The following IL4 variants were observed in gnomAD, a reference collection of about 807,000 sequenced individuals.
IL4 encodes the protein interleukin-4.
In IL4, 10 loss-of-function variants were observed where a neutral mutation model predicts 17.4. The ratio of observed to expected loss-of-function variants is 0.57; its 90% CI spans 0.35 to 0.97. The LOEUF (loss-of-function observed/expected upper bound fraction) is 0.97. Ranked by LOEUF, IL4 falls within the 50% of genes least tolerant of loss-of-function variation. The probability of loss-of-function intolerance (pLI) is 0.01; values close to 1 mark genes in which losing one functional copy is unlikely to be tolerated. For synonymous variants in IL4, 87 were observed against 79.0 expected, an observed-to-expected ratio of 1.10 and a Z score of -0.54; for missense variants, 174 against 187.7, an observed-to-expected ratio of 0.93 and a Z score of 0.43.
intron 2 of IL4, among the ~76,000 whole-genome samples, chr5:132,676,372 TAAG>T (rs1043935618): frequency 1.2e-4 from 19 of 152,304 alleles, no homozygotes; most frequent in Middle Eastern, 3.4e-3. Context: ...GCGATGATTC[TAAG>T]AAGGAGGGGA....
Position 132,679,886 on chromosome 5 carries a change from G to A in IL4, c.356G>A (p.Gly119Asp). Residue 119 changes from glycine to aspartate, a missense_variant, in exon 3 of 4, where the codon GGC (glycine) becomes GAC (aspartate). Coordinates refer to ENST00000231449, the MANE Select transcript of IL4 (RefSeq NM_000589.4). ...GACAGGAACCTCTGGGGCCTGGCGG[G>A]CTTGGTAAGCTGCACTGTATTCCTG... ...RLDRNLWGLA[G>D]LNSCPVKEAN... The A allele has an allele frequency of 1.9e-6, 3 of 1,611,244 alleles. No individual in the cohort carries two copies. The highest frequency in any genetic ancestry group is 2.5e-6 in the Non-Finnish European group (3 of 1,178,898).
intron 2 of IL4, among the ~76,000 whole-genome samples, 169 bp from the exon 3 acceptor site, chr5:132,679,545 T>C (rs1369185998): frequency 6.6e-6 from 1 of 152,198 alleles, no homozygotes; most frequent in Non-Finnish European, 1.5e-5. Flanking sequence ...CAGAGGTTTA[T>C]GTCTGTGGCA....
At chr5:132,679,454 C>T (rs894192066) in intron 2 of IL4, among the ~76,000 whole-genome samples, 2 of 152,156 alleles carry the variant, frequency 1.3e-5, no homozygotes, top group African/African-American at 2.4e-5. Flanking sequence ...GGTACCCTTT[C>T]GGCAAAATCC....
chr5:132,675,705 C>T (rs530775688), intron 2 of IL4, among the ~76,000 whole-genome samples: 79 of 152,076 alleles, frequency 5.2e-4, no homozygotes, highest in African/African-American at 1.4e-3. Flanking sequence ...TGCACCACCA[C>T]GCCTGGCTAA....
intron 2 of IL4, among the ~76,000 whole-genome samples, chr5:132,674,759 C>G (rs368891508): frequency 6.6e-6 from 1 of 152,160 alleles, no homozygotes; most frequent in Non-Finnish European, 1.5e-5. Flanking sequence ...AAAGAAAAGC[C>G]CTCTTGGGTT....
At position 132,680,968 on chromosome 5, in the gene IL4, G is replaced by A. The variant is rs969280920; in HGVS notation, c.360+1078G>A. On this transcript the variant is annotated intron_variant, in intron 3 of 3. Transcript: ENST00000231449. This position sits in a 1 kb window ranked among gnomAD's most constrained non-coding sequence, Gnocchi z 4.3. ...GTTTACAGAGAGATGAAAGACTGGC[G>A]GCAAGGCAGGGCTGGAGGTTCAGCA... Among the ~76,000 whole-genome samples the A allele has an allele frequency of 6.6e-6, 1 of 152,172 alleles. No individual in the cohort carries two copies. Among genetic ancestry groups the A allele is most frequent in the Admixed American group, 6.5e-5 (1 of 15,286 alleles).
At chr5:132,675,929 A>ATGTATGTG (rs1752375198) in intron 2 of IL4, among the ~76,000 whole-genome samples, 4 of 140,942 alleles carry the variant, frequency 2.8e-5, no homozygotes, top group Non-Finnish European at 6.0e-5. Flanking sequence ...GTGTATGTAT[A>ATGTATGTG]TGTGTGTGTG....
intron 2 of IL4, among the ~76,000 whole-genome samples, chr5:132,675,680 C>T (rs1288042201): frequency 6.6e-6 from 1 of 151,940 alleles, no homozygotes; most frequent in Non-Finnish European, 1.5e-5. Context: ...TCCCAAGTAG[C>T]CGGGACGACA....
intron 2 of IL4, chr5:132,677,838 G>A (rs1752409748): frequency 1.3e-5 from 2 of 152,210 alleles, no homozygotes; most frequent in African/African-American, 4.8e-5. Context: ...CCCCCCATCA[G>A]CCCGTGTCCC....
At position 132,674,460 on chromosome 5, in the gene IL4, C is replaced by T. The variant is rs1752341302; in HGVS notation, c.137C>T (p.Thr46Ile). 6.2e-7 allele frequency: 1 copy of T among 1,613,970 alleles called. No individual in the cohort carries two copies. Among genetic ancestry groups the T allele is most frequent in the African/African-American group, 1.3e-5 (1 of 74,936 alleles). The part of the protein sequence containing the change: ...KTLNSLTEQK[T>I]LCTELTVTDI... ...TCTCTCATTTCTGCCTGGACCAAGA[C>T]TCTGTGCACCGAGTTGACCGTAACA... is the stretch of plus-strand genomic sequence containing the variant. The change falls in exon 2 of 4, where the codon ACT becomes ATT. Residue 46 changes from threonine to isoleucine, a missense_variant and splice_region_variant. Thr to Ile is a moderately conservative substitution (Grantham distance 89, BLOSUM62 -1). Transcript: ENST00000231449.
chr5:132,680,782 C>T lies in IL4; in HGVS notation c.360+892C>T, dbSNP rs1752472968. Among the ~76,000 whole-genome samples, 1 of 151,956 alleles carries T rather than the reference C, an allele frequency of 6.6e-6. No homozygotes were observed. The highest frequency in any genetic ancestry group is 1.5e-5 in the Non-Finnish European group (1 of 68,020). On this transcript the variant is annotated intron_variant, in intron 3 of 3. Coordinates refer to ENST00000231449, the MANE Select transcript of IL4 (RefSeq NM_000589.4). The surrounding 1 kb of genome is among the most constrained non-coding windows in gnomAD (Gnocchi z 4.3). ...TAAACCAGGCTAGAGATGATGGTGG[C>T]GTGGACAGAATGGGAGCAGTTGAGG...
chr5:132,676,213 C>T (rs1347038697), intron 2 of IL4, among the ~76,000 whole-genome samples: 1 of 152,126 alleles, frequency 6.6e-6, no homozygotes, highest in African/African-American at 2.4e-5. Context: ...ATCTTCACAC[C>T]TCTCTGCACC....
At chr5:132,675,600 G>A (rs1752361317) in intron 2 of IL4, among the ~76,000 whole-genome samples, 1 of 151,154 alleles carries the variant, frequency 6.6e-6, no homozygotes, top group African/African-American at 2.4e-5. Context: ...CCAGGCTGGA[G>A]TGCAGTGGTG....
chr5:132,674,196 A>G lies in IL4; in HGVS notation c.135+11A>G, dbSNP rs1225588754. ...CTCACAGAGCAGAAGGTGAGTACCTATCTGGCACCATCTCTCCAGATGTTC... is the reference window on the plus strand; with the variant it reads ...CTCACAGAGCAGAAGGTGAGTACCTGTCTGGCACCATCTCTCCAGATGTTC... On this transcript the variant is annotated intron_variant, in intron 1 of 3. Transcript: ENST00000231449. 1 of 1,612,630 alleles carries G rather than the reference A, an allele frequency of 6.2e-7. No homozygotes were observed. Among genetic ancestry groups the G allele is most frequent in the Non-Finnish European group, 8.5e-7 (1 of 1,178,688 alleles).
chr5:132,681,598 G>A (rs1177357305), intron 3 of IL4, among the ~76,000 whole-genome samples: 2 of 152,244 alleles, frequency 1.3e-5, no homozygotes, highest in Admixed American at 6.5e-5. Context: ...GCTCTTTTAA[G>A]GTTGGGGGTA....
At chr5:132,679,968 G>T in intron 3 of IL4, 78 bp downstream of exon 3, 1 of 1,219,836 alleles carries the variant, frequency 8.2e-7, no homozygotes, top group Non-Finnish European at 1.1e-6. Flanking sequence ...ACACTCCTTA[G>T]GAGCTGCAGC....
chr5:132,679,179 G>A (rs767411078), intron 2 of IL4, among the ~76,000 whole-genome samples: 7 of 152,348 alleles, frequency 4.6e-5, no homozygotes, highest in Admixed American at 2.0e-4. Context: ...AGAGCCACAC[G>A]GAGAGTGCTG....
chr5:132,678,683 C>T (rs563470373), intron 2 of IL4, among the ~76,000 whole-genome samples: 17 of 152,152 alleles, frequency 1.1e-4, no homozygotes, highest in Non-Finnish European at 2.5e-4. Context: ...ATGGACCACA[C>T]TTTGAGTATC....
At chr5:132,676,374 AG>A (rs538715581) in intron 2 of IL4, among the ~76,000 whole-genome samples, 102 of 152,296 alleles carry the variant, frequency 6.7e-4, no homozygotes, top group African/African-American at 2.4e-3. Context: ...GATGATTCTA[AG>A]AAGGAGGGGA....
Sources: gnomAD v4.1 joint callset for allele counts (sites outside exome capture counted in the v4.1 genomes callset) on GRCh38, gnomAD v4.1.1 for gene constraint, Gnocchi (gnomAD v3.1) non-coding constraint, MANE v1.5 for transcripts, NCBI Gene and HGNC (gene_info 2026-07-23, HGNC 2026-07-21) for gene names.